The following PIEZO2 variants were observed in gnomAD, a reference collection of about 807,000 sequenced individuals.
The protein encoded by PIEZO2 is piezo type mechanosensitive ion channel component 2.
A neutral mutation model predicts 337.3 loss-of-function variants in PIEZO2; 172 were observed. The ratio of observed to expected loss-of-function variants is 0.51; its 90% CI spans 0.45 to 0.58. The LOEUF (loss-of-function observed/expected upper bound fraction) is 0.58, where lower values mean the gene tolerates loss of function less well. Among genes scored for constraint, PIEZO2 ranks in the 20% least tolerant of loss-of-function variants. The probability of loss-of-function intolerance (pLI) is 0.00; values close to 1 mark genes in which losing one functional copy is unlikely to be tolerated. For missense variants in PIEZO2, 3,028 were observed against 3,391.3 expected (o/e 0.89, Z 2.66); for synonymous variants, 1,251 against 1,228.5 (o/e 1.02, Z -0.38).
rs1169678762 is a variant in PIEZO2, at chr18:10,857,055, T to G, written c.649A>C (p.Asn217His). The change falls in exon 6 of 56, where the codon AAC (asparagine) becomes CAC (histidine). Residue 217 changes from asparagine (N) to histidine (H), a missense_variant. Coordinates refer to ENST00000674853, the MANE Select transcript of PIEZO2 (RefSeq NM_001378183.1). ...ACTTTCCCAGCAGTGGTGATCATGT[T>G]GCCAATGAACTCCTTGAGCTTAGAG... ...VASKLKEFIG[N>H]MITTAGKVVV... 5.9e-6 allele frequency: 9 copies of G among 1,537,270 alleles called. 1 individual carries two copies. In the African/African-American group the frequency reaches 9.6e-5, roughly 16 times the overall value.
chr18:10,806,541 A>T (rs7229955), intron 8 of PIEZO2, among the ~76,000 whole-genome samples: 25,547 of 151,836 alleles, frequency 0.17, 2,472 homozygotes, highest in East Asian at 0.39. Flanking sequence ...GGGGATACTC[A>T]GGAGGCAACA....
intron 28 of PIEZO2, among the ~76,000 whole-genome samples, chr18:10,751,359 A>G (rs1379057809): frequency 6.6e-6 from 1 of 152,176 alleles, no homozygotes; most frequent in African/African-American, 2.4e-5. Flanking sequence ...CAGATTCCTC[A>G]CCATCAGACT....
rs138465384 is a variant in PIEZO2, at chr18:10,899,300, T to C, written c.329+11886A>G. ...AAACTTAGGAAGGTGTGTTTGTGTG[T>C]GTGTGTGTAGAGGTATATCAGGAAA... On this transcript the variant is annotated intron_variant, in intron 4 of 55. Coordinates refer to ENST00000674853, the MANE Select transcript of PIEZO2 (RefSeq NM_001378183.1). This position sits in a 1 kb window ranked among gnomAD's most constrained non-coding sequence, Gnocchi z 4.6. Among the ~76,000 whole-genome samples, 401 of 152,342 alleles carry C rather than the reference T, an allele frequency of 2.6e-3. 2 individuals carry two copies. Among genetic ancestry groups the C allele is most frequent in the African/African-American group, 9.3e-3 (387 of 41,582 alleles).
At chr18:11,108,549 G>A (rs565440702) in intron 1 of PIEZO2, among the ~76,000 whole-genome samples, 33 of 132,886 alleles carry the variant, frequency 2.5e-4, no homozygotes, top group Admixed American at 1.9e-3. Flanking sequence ...GGGAGGCGGA[G>A]TTTGCAGTGA....
chr18:10,955,662 T>C (rs1399990197), intron 3 of PIEZO2, among the ~76,000 whole-genome samples: 1 of 152,244 alleles, frequency 6.6e-6, no homozygotes, highest in Non-Finnish European at 1.5e-5. Flanking sequence ...AGAAGATCTC[T>C]ACTATATTTT....
At position 10,671,195 on chromosome 18, in the gene PIEZO2, T is replaced by A; in HGVS notation, c.*332A>T. On this transcript the variant is annotated 3_prime_UTR_variant, in exon 56 of 56. Transcript: ENST00000674853. ...GGCCCCACAGAGGAAAACACAGGCA[T>A]CTTTCTTTCTGACTCCTCTTCTGTT... The A allele has an allele frequency of 4.5e-6, 1 of 220,834 alleles. No individual in the cohort carries two copies. The highest frequency in any genetic ancestry group is 9.0e-6 in the Non-Finnish European group (1 of 111,130). The allele number at this position is 220,834 out of a possible 1,614,324, so 13.7% of individuals were successfully genotyped here.
chr18:10,807,370 T>C (rs1332998158), intron 7 of PIEZO2, 96 bp from the exon 8 acceptor site: 4 of 1,115,862 alleles, frequency 3.6e-6, no homozygotes, highest in Admixed American at 2.5e-5. Flanking sequence ...ATTCGTGAGC[T>C]ATTCCTAGGT....
rs75169608 is a variant in PIEZO2, at chr18:10,878,903, G to A, written c.330-7488C>T. On this transcript the variant is annotated intron_variant, in intron 4 of 55. Coordinates refer to ENST00000674853, the MANE Select transcript of PIEZO2 (RefSeq NM_001378183.1). This position sits in a 1 kb window ranked among gnomAD's most constrained non-coding sequence, Gnocchi z 4.3. ...TGACGTGGCTGCTGGTAGTGCAGGTGGTGTTTTCACAATGAGTGTCAGGTG... is the reference window on the plus strand; with the variant it reads ...TGACGTGGCTGCTGGTAGTGCAGGTAGTGTTTTCACAATGAGTGTCAGGTG... Among the ~76,000 whole-genome samples the A allele has an allele frequency of 0.027, 4,067 of 152,250 alleles. 183 individuals carry two copies. Among genetic ancestry groups the A allele is most frequent in the African/African-American group, 0.093 (3,847 of 41,518 alleles).
At chr18:10,867,899 C>G (rs1283204945) in intron 5 of PIEZO2, among the ~76,000 whole-genome samples, 1 of 152,114 alleles carries the variant, frequency 6.6e-6, no homozygotes, top group Non-Finnish European at 1.5e-5. Context: ...TGAGCAAGAC[C>G]ACAGATGTGT....
Position 10,759,270 on chromosome 18 carries a change from T to G in PIEZO2, c.3757+212A>C, listed in dbSNP as rs928621802. Among the ~76,000 whole-genome samples, 1 of 152,018 alleles carries G rather than the reference T, an allele frequency of 6.6e-6. No homozygotes were observed. The highest frequency in any genetic ancestry group is 1.5e-5 in the Non-Finnish European group (1 of 68,000). On this transcript the variant is annotated intron_variant, in intron 26 of 55. Transcript: ENST00000674853. The surrounding 1 kb of genome is among the most constrained non-coding windows in gnomAD (Gnocchi z 5.5). ...GGGGAAGTGAAATTATGCAAGTGAATATGGCATTTCCAACACTGATTTATT... is the reference window on the plus strand; with the variant it reads ...GGGGAAGTGAAATTATGCAAGTGAAGATGGCATTTCCAACACTGATTTATT...
Position 11,002,256 on chromosome 18 carries a change from C to A in PIEZO2, c.161-22596G>T, listed in dbSNP as rs1266944098. 6.6e-6 allele frequency among the ~76,000 whole-genome samples: 1 copy of A among 152,186 alleles called. No homozygotes were observed. Among genetic ancestry groups the A allele is most frequent in the Admixed American group, 6.5e-5 (1 of 15,278 alleles). On this transcript the variant is annotated intron_variant, in intron 2 of 55. Transcript: ENST00000674853. The surrounding 1 kb of genome is among the most constrained non-coding windows in gnomAD (Gnocchi z 4.3). Reference sequence around the variant, plus strand: ...CATTTACATTCGCTCCTAGGTCATACAAAATACAGCAGTGAGTAGAGGCTG... The same window carrying A: ...CATTTACATTCGCTCCTAGGTCATAAAAAATACAGCAGTGAGTAGAGGCTG...
In PIEZO2 at chr18:10,729,077, G is replaced by A. The variant is rs914016875; in HGVS notation, c.5029+2330C>T. ...TAGGATTTGTAACCTTAGAGGACAG[G>A]ATTTTGAGGTGACTGGGTTGGGGCA... is the stretch of plus-strand genomic sequence containing the variant. On this transcript the variant is annotated intron_variant, in intron 36 of 55. Coordinates refer to ENST00000674853, the MANE Select transcript of PIEZO2 (RefSeq NM_001378183.1). 2.0e-5 allele frequency among the ~76,000 whole-genome samples: 3 copies of A among 151,988 alleles called. No homozygotes were observed. In the East Asian group the frequency reaches 5.8e-4, roughly 29 times the overall value.
intron 3 of PIEZO2, among the ~76,000 whole-genome samples, chr18:10,939,329 C>G (rs1387247639): frequency 6.6e-6 from 1 of 152,162 alleles, no homozygotes; most frequent in Non-Finnish European, 1.5e-5. Flanking sequence ...CTGTAGTTTG[C>G]TAGTTCAACC....
chr18:10,720,222 A>ATG (rs199985733), intron 36 of PIEZO2, among the ~76,000 whole-genome samples: 7 of 139,914 alleles, frequency 5.0e-5, no homozygotes, highest in South Asian at 2.2e-4. Flanking sequence ...ATATGAATAT[A>ATG]TGTGTGTGTG....
At position 11,047,422 on chromosome 18, in the gene PIEZO2, G is replaced by A. The variant is rs73945706; in HGVS notation, c.160+18705C>T. Among the ~76,000 whole-genome samples, 353 of 152,276 alleles carry A rather than the reference G, an allele frequency of 2.3e-3. 2 individuals are homozygous for A. The highest frequency in any genetic ancestry group is 8.2e-3 in the African/African-American group (342 of 41,544). ...TCCTGCCTATCCCACAAGACGGCCC[G>A]GGGGAATTGTCCAAGAACAGGGCAA... On this transcript the variant is annotated intron_variant, in intron 2 of 55. Transcript: ENST00000674853. This position sits in a 1 kb window ranked among gnomAD's most constrained non-coding sequence, Gnocchi z 7.2.
intron 8 of PIEZO2, among the ~76,000 whole-genome samples, chr18:10,806,290 T>C (rs1220866475): frequency 6.7e-6 from 1 of 149,236 alleles, no homozygotes; most frequent in Non-Finnish European, 1.5e-5. Context: ...GCGGCCACCC[T>C]GTCTACACAG....
chr18:10,700,309 G>C (rs2035277709), intron 43 of PIEZO2, among the ~76,000 whole-genome samples: 1 of 151,942 alleles, frequency 6.6e-6, no homozygotes, highest in South Asian at 2.1e-4. Flanking sequence ...AGTTTTAATT[G>C]TTTGGTTTTC....
chr18:10,892,094 C>T lies in PIEZO2; in HGVS notation c.329+19092G>A, dbSNP rs2144940129. On this transcript the variant is annotated intron_variant, in intron 4 of 55. Coordinates refer to ENST00000674853, the MANE Select transcript of PIEZO2 (RefSeq NM_001378183.1). Reference sequence around the variant, plus strand: ...AAAAATATGATGTCCACACAACCACCTGCCTGCAAACATTCATAGCAGCTC... The same window carrying T: ...AAAAATATGATGTCCACACAACCACTTGCCTGCAAACATTCATAGCAGCTC... 2.0e-5 allele frequency among the ~76,000 whole-genome samples: 3 copies of T among 152,238 alleles called. No homozygotes were observed. In the Middle Eastern group the frequency reaches 0.01, roughly 518 times the overall value.
At chr18:10,977,246 C>G (rs1221979186) in intron 3 of PIEZO2, among the ~76,000 whole-genome samples, 1 of 151,706 alleles carries the variant, frequency 6.6e-6, no homozygotes, top group African/African-American at 2.4e-5. Flanking sequence ...CACCCTCCAG[C>G]CACCTTCCTA....
Sources: gnomAD v4.1 joint callset for allele counts (sites outside exome capture counted in the v4.1 genomes callset) on GRCh38, gnomAD v4.1.1 for gene constraint, Gnocchi (gnomAD v3.1) non-coding constraint, MANE v1.5 for transcripts, NCBI Gene and HGNC (gene_info 2026-07-23, HGNC 2026-07-21) for gene names.